The following WDR62 variants were observed in gnomAD, a reference collection of about 807,000 sequenced individuals.
WDR62 encodes the protein WD repeat-containing protein 62.
Under a neutral mutation model 160.6 loss-of-function variants are expected in WDR62, and 112 were observed. The ratio of observed to expected loss-of-function variants is 0.70; its 90% CI spans 0.60 to 0.82. The LOEUF (loss-of-function observed/expected upper bound fraction) is 0.82. WDR62 is among the 40% of genes least tolerant of loss of function. WDR62 has a pLI of 0.00. For synonymous variants in WDR62, 792 were observed against 815.1 expected (o/e 0.97, Z 0.48); for missense variants, 1,819 against 1,983.8 (o/e 0.92, Z 1.58).
chr19:36,111,020 T>A, the WDR62 span: 1 of 596,920 alleles, frequency 1.7e-6, no homozygotes, highest in Middle Eastern at 4.5e-4. Flanking sequence ...GATGGGCAGG[T>A]CCCCAGGCAG....
intron 1 of WDR62, among the ~76,000 whole-genome samples, chr19:36,056,057 C>T (rs945888608): frequency 2.6e-5 from 4 of 152,122 alleles, no homozygotes; most frequent in African/African-American, 7.2e-5. Context: ...CCCAGCTACT[C>T]AGGAGGCTGA....
chr19:36,063,549 C>CTATTTAAGAACATAG (rs1970780983), intron 3 of WDR62, among the ~76,000 whole-genome samples: 1 of 152,244 alleles, frequency 6.6e-6, no homozygotes, highest in African/African-American at 2.4e-5. Context: ...CTGCACCCGG[C>CTATTTAAGAACATAG]CAATCTTGAC....
At chr19:36,069,165 C>G (rs1362150327) in intron 7 of WDR62, among the ~76,000 whole-genome samples, 28 of 145,764 alleles carry the variant, frequency 1.9e-4, no homozygotes, top group African/African-American at 7.6e-4. Context: ...GCTGGCCGGG[C>G]GGGGGCTGAC....
downstream of WDR62, among the ~76,000 whole-genome samples, chr19:36,109,605 G>A (rs1266878121): frequency 6.0e-5 from 9 of 150,990 alleles, no homozygotes; most frequent in Admixed American, 2.6e-4. Flanking sequence ...GTGGTGGTGC[G>A]CACCTGTAGT....
chr19:36,059,970 G>A lies in WDR62; in HGVS notation c.272G>A (p.Cys91Tyr), dbSNP rs1970561947. Residue 91 changes from cysteine (C) to tyrosine (Y), a missense_variant and splice_region_variant, in exon 3 of 32, where the codon TGT becomes TAT. Cys to Tyr is a radical substitution (Grantham distance 194). Around this residue, in one of 3 missense-constraint regions of WDR62, gnomAD observed 934 missense variants for 1,157.2 expected, o/e 0.81. Transcript: ENST00000401500. ...GTGHVAYLAG[C>Y]VVVILDPKEN... ...CACATTTTCCTCTTTCTTCCCAGCT[G>A]TGTGGTGGTGATTTTGGACCCCAAG... 6.2e-7 allele frequency: 1 copy of A among 1,614,184 alleles called. No homozygotes were observed. The highest frequency in any genetic ancestry group is 8.5e-7 in the Non-Finnish European group (1 of 1,180,036).
chr19:36,084,123 A>C (rs563293919), intron 11 of WDR62, among the ~76,000 whole-genome samples: 1 of 152,108 alleles, frequency 6.6e-6, no homozygotes, highest in Non-Finnish European at 1.5e-5. Context: ...CTGACCCCTG[A>C]TGTAAGTGAT....
chr19:36,055,065 T>G lies in WDR62; in HGVS notation c.94T>G (p.Ser32Ala), dbSNP rs550839938. The G allele has an allele frequency of 1.3e-6, 2 of 1,592,330 alleles. No individual in the cohort carries two copies. The highest frequency in any genetic ancestry group is 2.7e-5 in the African/African-American group (2 of 74,218). ...GGGAGTTCCGGCGCGGAGGGGCCAG[T>G]CCTCCCCGCCCCCCGCCCCACCAAT... Reference protein sequence around the residue: ...MAGVPARRGQSSPPPAPPICL... With the variant: ...MAGVPARRGQASPPPAPPICL... The change falls in exon 1 of 32, where the codon TCC (serine) becomes GCC (alanine). Residue 32 changes from serine (S) to alanine (A), a missense_variant. Physicochemically the swap from Ser to Ala is moderately conservative, Grantham distance 99. Transcript: ENST00000401500.
intron 24 of WDR62, 156 bp downstream of exon 24, chr19:36,101,473 G>A: frequency 1.2e-6 from 1 of 821,566 alleles, no homozygotes; most frequent in Non-Finnish European, 2.0e-6. Context: ...TCTGGGCCCA[G>A]CTGCCTACAG....
chr19:36,076,746 C>G (rs1971591369), intron 9 of WDR62, among the ~76,000 whole-genome samples: 1 of 152,008 alleles, frequency 6.6e-6, no homozygotes, highest in Admixed American at 6.6e-5. Flanking sequence ...TTTGCTTTTT[C>G]CCACATTATA....
intron 7 of WDR62, chr19:36,070,484 C>CTT (rs1971239375): frequency 6.6e-6 from 1 of 152,164 alleles, no homozygotes; most frequent in South Asian, 2.1e-4. Context: ...AGCTTCTTTC[C>CTT]TTTAGTATCT....
chr19:36,066,307 G>C lies in WDR62; in HGVS notation c.441G>C (p.Gln147His). 2 of 1,614,250 alleles carry C rather than the reference G, an allele frequency of 1.2e-6. No homozygotes were observed. The highest frequency in any genetic ancestry group is 1.7e-6 in the Non-Finnish European group (2 of 1,180,038). The change falls in exon 5 of 32, where the codon CAG (glutamine) becomes CAC (histidine). Residue 147 changes from glutamine to histidine, a missense_variant. This residue lies in a region of WDR62 where 934 missense variants were observed against 1,157.2 expected (regional missense o/e 0.81). Coordinates refer to ENST00000401500, the MANE Select transcript of WDR62 (RefSeq NM_001083961.2). ...VRIWDVEEKN[Q>H]VAEMLGHKYG... ...TCTGGGATGTGGAGGAGAAGAATCA[G>C]GTGGCGGAGATGCTAGGCCACAAGT...
chr19:36,078,727 T>C (rs1017178352), intron 9 of WDR62, among the ~76,000 whole-genome samples: 4 of 150,948 alleles, frequency 2.6e-5, no homozygotes, highest in East Asian at 2.0e-4. Flanking sequence ...TCCCAGCTAC[T>C]TGGGGGGCTG....
chr19:36,103,015 G>A lies in WDR62; in HGVS notation c.3403G>A (p.Asp1135Asn), dbSNP rs1973472321. The A allele has an allele frequency of 6.2e-7, 1 of 1,614,140 alleles. No homozygotes were observed. The highest frequency in any genetic ancestry group is 8.5e-7 in the Non-Finnish European group (1 of 1,180,032). Residue 1135 changes from aspartate to asparagine, a missense_variant, in exon 28 of 32, where the codon GAC becomes AAC. Around this residue, in one of 3 missense-constraint regions of WDR62, gnomAD observed 770 missense variants for 734.2 expected, o/e 1.05. Coordinates refer to ENST00000401500, the MANE Select transcript of WDR62 (RefSeq NM_001083961.2). ...LVKSPEVKLM[D>N]RGGSQPRAGT... Reference sequence around the variant, plus strand: ...GAAGTCTCCAGAGGTCAAGCTCATGGACCGAGGCGGAAGCCAGCCCAGAGC... The same window carrying A: ...GAAGTCTCCAGAGGTCAAGCTCATGAACCGAGGCGGAAGCCAGCCCAGAGC...
chr19:36,094,204 G>A (rs780105950), intron 20 of WDR62, 40 bp downstream of exon 20: 2 of 1,608,842 alleles, frequency 1.2e-6, no homozygotes, highest in East Asian at 4.5e-5. Flanking sequence ...GTCAGTGTAG[G>A]GAATCATTGC....
intron 9 of WDR62, among the ~76,000 whole-genome samples, chr19:36,080,115 AT>A (rs57551653): frequency 2.0e-5 from 3 of 148,874 alleles, no homozygotes. Context: ...TTTTTTTATT[AT>A]TTTTTTTTTG....
intron 9 of WDR62, among the ~76,000 whole-genome samples, chr19:36,079,852 G>C (rs1971787273): frequency 6.6e-6 from 1 of 152,088 alleles, no homozygotes; most frequent in Non-Finnish European, 1.5e-5. Context: ...ACTGAGTTTT[G>C]CTATAAATGT....
intron 3 of WDR62, among the ~76,000 whole-genome samples, chr19:36,064,720 G>C (rs1369828529): frequency 6.6e-6 from 1 of 152,204 alleles, no homozygotes; most frequent in East Asian, 1.9e-4. Context: ...CGGGATTACA[G>C]GCTCCTGCCA....
At chr19:36,108,446 G>A (rs547849222), downstream of WDR62, among the ~76,000 whole-genome samples, 16 of 151,834 alleles carry the variant, frequency 1.1e-4, no homozygotes, top group Non-Finnish European at 2.2e-4. Context: ...TGCCAGGCCC[G>A]TGCCAGGCAT....
At chr19:36,106,086 C>T (rs112191539), downstream of WDR62, among the ~76,000 whole-genome samples, 3 of 152,214 alleles carry the variant, frequency 2.0e-5, no homozygotes, top group Admixed American at 6.5e-5. Context: ...AGGCCCAGGC[C>T]ACGAGCAGCT....
Sources: allele counts gnomAD v4.1 joint callset (sites outside exome capture counted in the v4.1 genomes callset), GRCh38; gene constraint gnomAD v4.1.1; regional missense constraint gnomAD v4.1.1; transcripts MANE v1.5; gene names NCBI Gene and HGNC (gene_info 2026-07-23, HGNC 2026-07-21).